CDK14: variants seen among roughly 807,000 people sequenced by gnomAD.
The protein encoded by CDK14 is cyclin dependent kinase 14.
In CDK14, 34 loss-of-function variants were observed where a neutral mutation model predicts 60.7. The ratio of observed to expected loss-of-function variants is 0.56; its 90% CI spans 0.43 to 0.75. The LOEUF is 0.75. Ranked by LOEUF, CDK14 falls within the 30% of genes least tolerant of loss-of-function variation. CDK14 has a pLI of 0.00. For missense variants in CDK14, 482 were observed against 564.1 expected (o/e 0.85, Z 1.47); for synonymous variants, 197 against 203.7 (o/e 0.97, Z 0.28).
chr7:90,818,515 T>C (rs796419041), intron 5 of CDK14, among the ~76,000 whole-genome samples: 2 of 152,332 alleles, frequency 1.3e-5, no homozygotes, highest in African/African-American at 4.8e-5. Flanking sequence ...ACTATACTTC[T>C]GGATACTTCT....
intron 2 of CDK14, among the ~76,000 whole-genome samples, chr7:90,646,584 A>G (rs1584765854): frequency 6.6e-6 from 1 of 152,198 alleles, no homozygotes; most frequent in Non-Finnish European, 1.5e-5. Flanking sequence ...CCCTTTTTAG[A>G]GATAACTATG....
Position 91,045,883 on chromosome 7 carries a change from C to A in CDK14, c.1042-14C>A, listed in dbSNP as rs557450399. ...ATAATAAGGCTGTTTCCACAATCTCCTACTCTCCACTAGGTTCTTGGAACA... is the reference window on the plus strand; with the variant it reads ...ATAATAAGGCTGTTTCCACAATCTCATACTCTCCACTAGGTTCTTGGAACA... On this transcript the variant is annotated splice_polypyrimidine_tract_variant and intron_variant, in intron 10 of 14. Coordinates refer to ENST00000380050, the MANE Select transcript of CDK14 (RefSeq NM_001287135.2). 5.0e-6 allele frequency: 8 copies of A among 1,584,606 alleles called. No homozygotes were observed. The African/African-American group carries it at 1.1e-4, about 21-fold the overall frequency.
At chr7:91,070,091 C>T (rs1423123606) in intron 11 of CDK14, among the ~76,000 whole-genome samples, 4 of 152,186 alleles carry the variant, frequency 2.6e-5, no homozygotes, top group Admixed American at 2.6e-4. Context: ...GCCACCACAC[C>T]CAGCCTGTGT....
rs193197378 is a variant in CDK14 at position 90,633,900 on chromosome 7, A to T, written c.123+29651A>T. ...GTAGGTACTGTAAACTTTGTTGGAG[A>T]CTTTAGTCGGCAGATTATGTTGTGA... On this transcript the variant is annotated intron_variant, in intron 2 of 14. Transcript: ENST00000380050. 3.1e-3 allele frequency among the ~76,000 whole-genome samples: 475 copies of T among 152,270 alleles called. 4 individuals carry two copies. Among genetic ancestry groups the T allele is most frequent in the African/African-American group, 0.011 (453 of 41,560 alleles).
At chr7:90,872,792 C>T (rs549230682) in intron 6 of CDK14, among the ~76,000 whole-genome samples, 1 of 152,178 alleles carries the variant, frequency 6.6e-6, no homozygotes, top group African/African-American at 2.4e-5. Flanking sequence ...TGATCTCCAA[C>T]TGTTGCTATG....
chr7:90,739,310 G>A (rs1468819165), intron 3 of CDK14, among the ~76,000 whole-genome samples: 1 of 152,144 alleles, frequency 6.6e-6, no homozygotes, highest in Non-Finnish European at 1.5e-5. Flanking sequence ...TACAACCGTA[G>A]CAGTTAATGC....
chr7:90,833,539 A>G (rs1444152598), intron 5 of CDK14, among the ~76,000 whole-genome samples: 1 of 152,170 alleles, frequency 6.6e-6, no homozygotes, highest in East Asian at 1.9e-4. Context: ...ATGAGAACAA[A>G]TGGCCCAGTT....
intron 14 of CDK14, among the ~76,000 whole-genome samples, chr7:91,162,767 T>C (rs1201454456): frequency 2.0e-5 from 3 of 152,144 alleles, no homozygotes; most frequent in Admixed American, 6.6e-5. Flanking sequence ...TTAATACATA[T>C]AAAGTATGTA....
chr7:91,175,292 A>G (rs578034623), intron 14 of CDK14, among the ~76,000 whole-genome samples: 1 of 152,322 alleles, frequency 6.6e-6, no homozygotes, highest in South Asian at 2.1e-4. Context: ...CTGCCTTACA[A>G]GAGCTCCTGA....
chr7:90,953,218 A>G (rs1268214167), intron 8 of CDK14, among the ~76,000 whole-genome samples: 2 of 152,140 alleles, frequency 1.3e-5, no homozygotes, highest in African/African-American at 4.8e-5. Context: ...AAATGAGATG[A>G]GAGAATTTTT....
chr7:90,955,378 T>C (rs1562843794), intron 8 of CDK14, among the ~76,000 whole-genome samples: 1 of 152,188 alleles, frequency 6.6e-6, no homozygotes, highest in African/African-American at 2.4e-5. Context: ...ACAATACTTA[T>C]AAATCTGAAA....
At chr7:90,887,142 A>AT (rs1300049605) in intron 6 of CDK14, among the ~76,000 whole-genome samples, 1 of 152,088 alleles carries the variant, frequency 6.6e-6, no homozygotes, top group African/African-American at 2.4e-5. Flanking sequence ...CTTGGAACCA[A>AT]TTTTTTACAA....
intron 14 of CDK14, among the ~76,000 whole-genome samples, chr7:91,176,675 A>G (rs1212944197): frequency 2.0e-5 from 3 of 151,996 alleles, no homozygotes; most frequent in African/African-American, 7.2e-5. Flanking sequence ...AGAATACTAC[A>G]AACACCTCTA....
intron 14 of CDK14, among the ~76,000 whole-genome samples, chr7:91,202,073 T>C (rs1802747743): frequency 6.6e-6 from 1 of 152,148 alleles, no homozygotes; most frequent in Non-Finnish European, 1.5e-5. Flanking sequence ...CTCCCACAGG[T>C]CACCCACCTG....
intron 10 of CDK14, among the ~76,000 whole-genome samples, chr7:91,003,027 A>C (rs1176087910): frequency 6.6e-6 from 1 of 152,160 alleles, no homozygotes; most frequent in Non-Finnish European, 1.5e-5. Context: ...AGCCGAGATC[A>C]CGCCACTGCA....
chr7:90,877,034 G>T (rs1791584746), intron 6 of CDK14, among the ~76,000 whole-genome samples: 2 of 152,144 alleles, frequency 1.3e-5, no homozygotes. Context: ...CTGTCAATTG[G>T]CTGGTTAGTT....
intron 11 of CDK14, among the ~76,000 whole-genome samples, chr7:91,076,875 C>A (rs1798333423): frequency 6.6e-6 from 1 of 152,142 alleles, no homozygotes; most frequent in Non-Finnish European, 1.5e-5. Flanking sequence ...GACATTTATA[C>A]AGCCAACAAA....
intron 9 of CDK14, among the ~76,000 whole-genome samples, chr7:90,967,220 CA>C (rs1457635629): frequency 6.6e-6 from 1 of 151,418 alleles, no homozygotes. Context: ...GGAAGGAAAG[CA>C]AGCAGGCTGG....
chr7:91,069,529 T>A (rs1798076428), intron 11 of CDK14, among the ~76,000 whole-genome samples: 1 of 151,904 alleles, frequency 6.6e-6, no homozygotes, highest in African/African-American at 2.4e-5. Flanking sequence ...TGAGACACCA[T>A]CTCTAAAAAA....
Sources: allele counts gnomAD v4.1 joint callset (sites outside exome capture counted in the v4.1 genomes callset), GRCh38; gene constraint gnomAD v4.1.1; transcripts MANE v1.5; gene names NCBI Gene and HGNC (gene_info 2026-07-23, HGNC 2026-07-21).